Variants in SAMD12 observed in about 807,000 individuals in gnomAD.
The protein encoded by SAMD12 is sterile alpha motif domain containing 12, also known as sterile alpha motif domain-containing protein 12.
In SAMD12, 9 loss-of-function variants were observed where a neutral mutation model predicts 15.0. That is an observed-to-expected ratio of 0.60 (90% CI 0.36 to 1.05). The LOEUF (loss-of-function observed/expected upper bound fraction) is 1.05, where lower values mean the gene tolerates loss of function less well. Among genes scored for constraint, SAMD12 ranks in the 50% least tolerant of loss-of-function variants. SAMD12 has a pLI of 0.01. For missense variants in SAMD12, 230 were observed against 234.2 expected (o/e 0.98, Z 0.12); for synonymous variants, 86 against 90.1 (o/e 0.96, Z 0.25).
chr8:118,514,154 A>G (rs946002741), intron 2 of SAMD12, among the ~76,000 whole-genome samples: 1 of 151,252 alleles, frequency 6.6e-6, no homozygotes, highest in Admixed American at 6.6e-5. Context: ...TCCCCATCAC[A>G]AGGCATTTAA....
chr8:118,181,052 ATT>A, the SAMD12 span, among the ~76,000 whole-genome samples: 1 of 148,518 alleles, frequency 6.7e-6, no homozygotes, highest in African/African-American at 2.5e-5. Flanking sequence ...TTTGTATTAA[ATT>A]TTTTTTTTTG....
intron 4 of SAMD12, among the ~76,000 whole-genome samples, chr8:118,248,604 T>C (rs1586383621): frequency 6.7e-6 from 1 of 150,104 alleles, no homozygotes; most frequent in East Asian, 2.0e-4. Flanking sequence ...GGCCACTATT[T>C]AAAAAAAATG....
intron 4 of SAMD12, among the ~76,000 whole-genome samples, chr8:118,368,986 G>A (rs189042019): frequency 1.6e-4 from 25 of 152,272 alleles, no homozygotes; most frequent in Admixed American, 3.3e-4. Flanking sequence ...ATTCCCAAGT[G>A]AGGCTGAGTT....
intron 2 of SAMD12, among the ~76,000 whole-genome samples, chr8:118,534,278 T>A (rs1216516336): frequency 2.0e-5 from 3 of 152,310 alleles, no homozygotes; most frequent in South Asian, 4.1e-4. Flanking sequence ...GCCCCCACTC[T>A]CTTCTGGCTT....
intron 2 of SAMD12, among the ~76,000 whole-genome samples, chr8:118,553,925 T>C (rs1195528429): frequency 1.5e-3 from 228 of 151,388 alleles, no homozygotes; most frequent in African/African-American, 5.3e-3. Context: ...AAAAAACACA[T>C]GAAAAAATGC....
At chr8:118,225,303 G>A (rs1586361069) in intron 4 of SAMD12, among the ~76,000 whole-genome samples, 1 of 152,070 alleles carries the variant, frequency 6.6e-6, no homozygotes, top group African/African-American at 2.4e-5. Context: ...AGGCACAGGT[G>A]TAAAAAAGCT....
At chr8:118,263,094 A>C (rs1019420094) in intron 4 of SAMD12, among the ~76,000 whole-genome samples, 5 of 151,954 alleles carry the variant, frequency 3.3e-5, no homozygotes, top group Admixed American at 3.3e-4. Flanking sequence ...CCCTTGTTTT[A>C]TCTCTCATTC....
chr8:118,175,413 C>G, the SAMD12 span, among the ~76,000 whole-genome samples: 1 of 152,058 alleles, frequency 6.6e-6, no homozygotes, highest in Non-Finnish European at 1.5e-5. Context: ...TAGGAAATAC[C>G]ATTCTGGACA....
chr8:118,293,996 T>A (rs1016590791), intron 4 of SAMD12, among the ~76,000 whole-genome samples: 1 of 152,136 alleles, frequency 6.6e-6, no homozygotes, highest in African/African-American at 2.4e-5. Context: ...GAAATCAAAG[T>A]AACATTTAGC....
intron 2 of SAMD12, among the ~76,000 whole-genome samples, chr8:118,489,646 G>A (rs7838129): frequency 0.065 from 9,954 of 151,986 alleles, 651 homozygotes; most frequent in African/African-American, 0.16. Context: ...TTTTTATGTC[G>A]ACTGGAAATT....
intron 2 of SAMD12, among the ~76,000 whole-genome samples, chr8:118,491,876 G>A (rs1462095118): frequency 6.6e-6 from 1 of 152,130 alleles, no homozygotes; most frequent in Non-Finnish European, 1.5e-5. Flanking sequence ...TTTACATTTT[G>A]GGAGCATTAT....
intron 4 of SAMD12, among the ~76,000 whole-genome samples, chr8:118,228,004 T>G (rs888085255): frequency 6.6e-6 from 1 of 152,196 alleles, no homozygotes; most frequent in South Asian, 2.1e-4. Context: ...AACTGATCTT[T>G]GACAAAGCAA....
At chr8:118,565,177 C>G (rs1275300914) in intron 2 of SAMD12, among the ~76,000 whole-genome samples, 1 of 152,208 alleles carries the variant, frequency 6.6e-6, no homozygotes, top group Non-Finnish European at 1.5e-5. Flanking sequence ...GCCAAGACCA[C>G]ACCAGCTCAT....
At chr8:118,197,819 AACCCTAAC>A in intron 4 of SAMD12, 1 of 1,146,560 alleles carries the variant, frequency 8.7e-7, no homozygotes, top group South Asian at 1.2e-5. Flanking sequence ...TATTCAAACA[AACCCTAAC>A]ACCCTTAGGC....
intron 4 of SAMD12, among the ~76,000 whole-genome samples, chr8:118,231,779 T>C (rs1483622156): frequency 6.6e-6 from 1 of 152,146 alleles, no homozygotes; most frequent in African/African-American, 2.4e-5. Flanking sequence ...CTAGGAGTAG[T>C]TGCCAGATGC....
chr8:118,365,922 C>T (rs546137418), intron 4 of SAMD12, among the ~76,000 whole-genome samples: 2 of 151,980 alleles, frequency 1.3e-5, no homozygotes, highest in African/African-American at 4.8e-5. Context: ...TACTTGCTCC[C>T]CAAAGCATAA....
At chr8:118,538,381 C>A (rs765410726) in intron 2 of SAMD12, among the ~76,000 whole-genome samples, 21 of 152,174 alleles carry the variant, frequency 1.4e-4, no homozygotes, top group Admixed American at 1.2e-3. Context: ...TTATTTGGGA[C>A]CCCAGAGCCC....
chr8:118,428,463 A>AT (rs976392494), intron 3 of SAMD12, among the ~76,000 whole-genome samples: 7 of 151,964 alleles, frequency 4.6e-5, no homozygotes, highest in African/African-American at 7.2e-5. Flanking sequence ...CAATTTATCA[A>AT]TTTTTTTTCT....
chr8:118,333,223 C>A (rs1816886831), intron 4 of SAMD12, among the ~76,000 whole-genome samples: 1 of 152,164 alleles, frequency 6.6e-6, no homozygotes, highest in Non-Finnish European at 1.5e-5. Context: ...CCTTGAACTT[C>A]TAATTTCCAA....
Sources: allele counts gnomAD v4.1 joint callset (sites outside exome capture counted in the v4.1 genomes callset), GRCh38; gene constraint gnomAD v4.1.1; transcripts MANE v1.5; gene names NCBI Gene and HGNC (gene_info 2026-07-23, HGNC 2026-07-21).